Variants in USH1C observed in about 807,000 individuals in gnomAD.
USH1C encodes the protein harmonin.
USH1C carries 90 observed loss-of-function variants against 119.3 expected under a neutral mutation model. That is an observed-to-expected ratio of 0.75 (90% CI 0.64 to 0.90). The LOEUF is 0.90. Among genes scored for constraint, USH1C ranks in the 40% least tolerant of loss-of-function variants. The pLI is 0.00. For missense variants in USH1C, 1,165 were observed against 1,167.7 expected, an observed-to-expected ratio of 1.00 and a Z score of 0.03; for synonymous variants, 465 against 443.3, an observed-to-expected ratio of 1.05 and a Z score of -0.62.
intron 1 of USH1C, among the ~76,000 whole-genome samples, 195 bp downstream of exon 1, chr11:17,544,077 G>C (rs1399168667): frequency 1.3e-5 from 2 of 152,228 alleles, no homozygotes; most frequent in Non-Finnish European, 2.9e-5. Context: ...TCCTTGAGCC[G>C]GGAGTCCCCG....
chr11:17,512,563 G>A (rs557951708), intron 15 of USH1C, among the ~76,000 whole-genome samples: 1 of 152,312 alleles, frequency 6.6e-6, no homozygotes, highest in East Asian at 1.9e-4. Context: ...ATGCATCCTG[G>A]GAGATTCCAG....
At chr11:17,509,923 T>C in intron 17 of USH1C, 85 bp from the exon 18 acceptor site, 1 of 1,475,786 alleles carries the variant, frequency 6.8e-7, no homozygotes, top group South Asian at 1.3e-5. Flanking sequence ...GCTCTTCTAA[T>C]CTGTTTCTCT....
intron 23 of USH1C, among the ~76,000 whole-genome samples, chr11:17,498,814 C>T (rs1457130154): frequency 2.0e-5 from 3 of 152,244 alleles, no homozygotes; most frequent in Admixed American, 6.5e-5. Flanking sequence ...TTGGCATTTT[C>T]CACAATTCGT....
At chr11:17,522,990 C>A in intron 11 of USH1C, 64 bp from the exon 12 acceptor site, 1 of 1,597,174 alleles carries the variant, frequency 6.3e-7, no homozygotes, top group East Asian at 2.3e-5. Context: ...CTGACACACC[C>A]CTGGGGGCCG....
chr11:17,504,572 AG>A, intron 20 of USH1C, 74 bp downstream of exon 20: 1 of 1,530,830 alleles, frequency 6.5e-7, no homozygotes, highest in Non-Finnish European at 9.1e-7. Flanking sequence ...ACTCCCAGAG[AG>A]AAAGAAGTGG....
chr11:17,533,975 T>G, intron 1 of USH1C: 1 of 280,306 alleles, frequency 3.6e-6, no homozygotes, highest in Non-Finnish European at 7.2e-6. Flanking sequence ...ATTTCAACTT[T>G]GTTGACGTCA....
intron 14 of USH1C, among the ~76,000 whole-genome samples, chr11:17,517,138 A>G (rs1487324730): frequency 6.6e-6 from 1 of 152,108 alleles, no homozygotes; most frequent in Non-Finnish European, 1.5e-5. Context: ...CAGAGGGGGA[A>G]TTTGGCAATA....
intron 14 of USH1C, chr11:17,517,373 G>T: frequency 6.4e-7 from 1 of 1,561,468 alleles, no homozygotes. Flanking sequence ...AGAGCAGCCA[G>T]GCCAGGGAGC....
intron 13 of USH1C, 91 bp downstream of exon 13, chr11:17,521,254 TA>T: frequency 7.2e-7 from 1 of 1,379,714 alleles, no homozygotes; most frequent in Non-Finnish European, 1.0e-6. Context: ...GAGAACCAGG[TA>T]AACTGGTTCT....
At chr11:17,540,606 C>T (rs141863567) in intron 1 of USH1C, among the ~76,000 whole-genome samples, 378 of 152,304 alleles carry the variant, frequency 2.5e-3, no homozygotes, top group Non-Finnish European at 4.2e-3. Flanking sequence ...GCTAGGTTTC[C>T]ACCACCTCCT....
rs1849787179 is a variant in USH1C, at chr11:17,509,608, A to C, written c.1761T>G (p.His587Gln). 2.7e-6 allele frequency: 4 copies of C among 1,499,814 alleles called. No homozygotes were observed. The highest frequency in any genetic ancestry group is 1.5e-5 in the African/African-American group (1 of 66,146). 92.9% of individuals were successfully genotyped at this position (1,499,814 alleles called of 1,614,324 possible). Reference protein sequence around the residue: ...PAPPVLPLSGHVSASSSPWVQ... With the variant: ...PAPPVLPLSGQVSASSSPWVQ... ...CCCATGGAGAGGATGAGGCGCTCAC[A>C]TGGCCAGATAAGGGAAGGACAGGGG... The change falls in exon 18 of 27, where the codon CAT (histidine) becomes CAG (glutamine). Residue 587 changes from histidine to glutamine, a missense_variant. By Grantham distance (24) the His-to-Gln change is conservative. Transcript: ENST00000005226.
chr11:17,496,832 T>C lies in USH1C; in HGVS notation c.2491-19A>G, dbSNP rs1338879979. Reference sequence around the variant, plus strand: ...TCCAGTCCTGTGGGGAGAAGCCGTGTGACTCTGGGGCACACTCAGTTGGAT... The same window carrying C: ...TCCAGTCCTGTGGGGAGAAGCCGTGCGACTCTGGGGCACACTCAGTTGGAT... On this transcript the variant is annotated intron_variant, in intron 24 of 26. Coordinates refer to ENST00000005226, the MANE Select transcript of USH1C (RefSeq NM_153676.4). The C allele has an allele frequency of 6.2e-7, 1 of 1,614,082 alleles. No homozygotes were observed. The highest frequency in any genetic ancestry group is 8.5e-7 in the Non-Finnish European group (1 of 1,179,930).
Position 17,494,145 on chromosome 11 carries a change from C to T in USH1C, c.*187G>A, listed in dbSNP as rs936725360. On this transcript the variant is annotated 3_prime_UTR_variant, in exon 27 of 27. Transcript: ENST00000005226. ...ATGGCTGGCTGCTCCCTTTCCTCCA[C>T]GTTGGCCTTCAGAAGAGTGGCCCGA... The T allele has an allele frequency of 8.7e-5, 59 of 677,416 alleles. No homozygotes were observed. Among genetic ancestry groups the T allele is most frequent in the African/African-American group, 5.1e-4 (28 of 55,324 alleles). 42.0% of individuals were successfully genotyped at this position (677,416 alleles called of 1,614,324 possible).
chr11:17,520,353 C>A (rs569106420), intron 14 of USH1C, among the ~76,000 whole-genome samples: 3 of 152,120 alleles, frequency 2.0e-5, no homozygotes, highest in Non-Finnish European at 4.4e-5. Flanking sequence ...TTGTCCTGTT[C>A]CTGCCTCCAT....
intron 5 of USH1C, 84 bp from the exon 6 acceptor site, chr11:17,527,124 GCCCT>G (rs1554962163): frequency 5.0e-6 from 3 of 604,262 alleles, no homozygotes; most frequent in African/African-American, 6.8e-5. Context: ...CTGCTCCCCC[GCCCT>G]CCCTCCCTCC....
rs371444878 is a variant in USH1C, at chr11:17,544,367, A to C, written c.-60T>G. ...CCGTTCCTTCGGGTGCCCGGCTGCC[A>C]GGAGCTGGAAAGAGCCGCGACCGCG... On this transcript the variant is annotated 5_prime_UTR_variant, in exon 1 of 27. Transcript: ENST00000005226. 53 of 1,612,342 alleles carry C rather than the reference A, an allele frequency of 3.3e-5. 1 individual carries two copies. The South Asian group carries it at 5.6e-4, about 17-fold the overall frequency.
At chr11:17,524,980 T>G (rs1366592594) in intron 8 of USH1C, among the ~76,000 whole-genome samples, 1 of 152,208 alleles carries the variant, frequency 6.6e-6, no homozygotes, top group African/African-American at 2.4e-5. Context: ...TAGCTGCGAC[T>G]ACAGGTGTGC....
chr11:17,505,753 A>G (rs970992499), intron 19 of USH1C, 77 bp downstream of exon 19: 151 of 1,603,874 alleles, frequency 9.4e-5, no homozygotes, highest in Non-Finnish European at 1.3e-4. Flanking sequence ...CTTGCCCTCC[A>G]GAGACAGCAG....
chr11:17,533,220 A>C, intron 2 of USH1C, 35 bp downstream of exon 2: 1 of 1,579,398 alleles, frequency 6.3e-7, no homozygotes. Context: ...AAAGGAACCC[A>C]AGTGGCCCAC....
Sources: allele counts gnomAD v4.1 joint callset (sites outside exome capture counted in the v4.1 genomes callset), GRCh38; gene constraint gnomAD v4.1.1; transcripts MANE v1.5; gene names NCBI Gene and HGNC (gene_info 2026-07-23, HGNC 2026-07-21).